The following DDHD1 variants were observed in gnomAD, a reference collection of about 807,000 sequenced individuals.
DDHD1 encodes DDHD domain containing 1.
DDHD1 carries 49 observed loss-of-function variants against 96.4 expected under a neutral mutation model. The observed-to-expected ratio is 0.51, with a 90% CI of 0.40 to 0.64. The LOEUF (loss-of-function observed/expected upper bound fraction) is 0.64. DDHD1 is among the 30% of genes least tolerant of loss of function. The probability of loss-of-function intolerance (pLI) is 0.00; values close to 1 mark genes in which losing one functional copy is unlikely to be tolerated. For missense variants in DDHD1, 1,106 were observed against 1,161.2 expected (o/e 0.95, Z 0.69); for synonymous variants, 442 against 446.5 (o/e 0.99, Z 0.13).
In DDHD1 at chr14:53,153,003, T is replaced by G; in HGVS notation, c.96A>C (p.Pro32=). ...AGCAGCAGACGCCGCCGCCGAACGC[T>G]GGCCTCGCGTCTGAGCCCAGCTCCC... is the stretch of plus-strand genomic sequence containing the variant. ...GAWELGSDAR[P]AFGGGVCCFE... Residue 32 remains proline, a synonymous_variant, in exon 1 of 13, where the codon CCA becomes CCC. Coordinates refer to ENST00000673822, the MANE Select transcript of DDHD1 (RefSeq NM_001160148.2). 6.5e-7 allele frequency: 1 copy of G among 1,539,726 alleles called. No individual in the cohort carries two copies. Among genetic ancestry groups the G allele is most frequent in the Non-Finnish European group, 8.7e-7 (1 of 1,145,618 alleles).
At chr14:53,061,999 C>T (rs1043249149) in intron 7 of DDHD1, among the ~76,000 whole-genome samples, 1 of 138,574 alleles carries the variant, frequency 7.2e-6, no homozygotes, top group African/African-American at 2.8e-5. Context: ...CGTGCCACTG[C>T]ACTCCAGCCT....
intron 9 of DDHD1, among the ~76,000 whole-genome samples, chr14:53,057,513 A>G (rs1883162103): frequency 6.6e-6 from 1 of 152,124 alleles, no homozygotes; most frequent in Non-Finnish European, 1.5e-5. Context: ...GTATTTGAAT[A>G]TTTTCATTTT....
chr14:53,091,509 T>G (rs1886423892), intron 4 of DDHD1, among the ~76,000 whole-genome samples: 1 of 152,198 alleles, frequency 6.6e-6, no homozygotes, highest in Non-Finnish European at 1.5e-5. Flanking sequence ...CTTTCAATGT[T>G]AGATTATAAA....
Position 53,152,339 on chromosome 14 carries a change from T to C in DDHD1, c.760A>G (p.Ile254Val). The C allele has an allele frequency of 6.2e-7, 1 of 1,613,938 alleles. No homozygotes were observed. The highest frequency in any genetic ancestry group is 8.5e-7 in the Non-Finnish European group (1 of 1,179,942). ...HEPEMVELVN[I>V]EPVCVRGGLY... ...CCGCCCCGCACGCACACAGGCTCGA[T>C]GTTCACAAGCTCCACCATCTCCGGC... Residue 254 changes from isoleucine (I) to valine (V), a missense_variant, in exon 1 of 13, where the codon ATC (isoleucine) becomes GTC (valine). This residue lies in a region of DDHD1 where 456 missense variants were observed against 402.4 expected (regional missense o/e 1.13). Coordinates refer to ENST00000673822, the MANE Select transcript of DDHD1 (RefSeq NM_001160148.2).
intron 4 of DDHD1, among the ~76,000 whole-genome samples, chr14:53,081,168 C>T (rs963355131): frequency 3.3e-5 from 5 of 152,082 alleles, no homozygotes; most frequent in Admixed American, 2.6e-4. Flanking sequence ...AAATGACAGC[C>T]AAAACTTTAG....
At chr14:53,078,436 T>C (rs780209321) in intron 4 of DDHD1, among the ~76,000 whole-genome samples, 48 of 152,188 alleles carry the variant, frequency 3.2e-4, no homozygotes, top group Admixed American at 2.0e-3. Flanking sequence ...GACAAATGTC[T>C]ACTCAAATCC....
At chr14:53,082,589 T>C (rs1885582444) in intron 4 of DDHD1, among the ~76,000 whole-genome samples, 1 of 151,576 alleles carries the variant, frequency 6.6e-6, no homozygotes, top group Admixed American at 6.6e-5. Context: ...TGAAGCCCTG[T>C]CTCTACTAAA....
At chr14:53,059,241 T>C (rs1883322202) in intron 8 of DDHD1, among the ~76,000 whole-genome samples, 1 of 152,024 alleles carries the variant, frequency 6.6e-6, no homozygotes, top group Non-Finnish European at 1.5e-5. Flanking sequence ...TTTATTTTAT[T>C]TCATTTATTT....
intron 1 of DDHD1, among the ~76,000 whole-genome samples, chr14:53,139,241 A>T (rs1342080491): frequency 6.6e-6 from 1 of 152,146 alleles, no homozygotes; most frequent in African/African-American, 2.4e-5. Context: ...GTGCCTAAGA[A>T]TAAGGCAGAA....
At chr14:53,114,507 G>C (rs1372259909) in intron 1 of DDHD1, among the ~76,000 whole-genome samples, 2 of 152,246 alleles carry the variant, frequency 1.3e-5, no homozygotes, top group African/African-American at 4.8e-5. Flanking sequence ...CATCAGGCCA[G>C]TGCCCCTCTG....
intron 1 of DDHD1, among the ~76,000 whole-genome samples, chr14:53,144,936 G>A (rs1181016433): frequency 6.6e-6 from 1 of 152,020 alleles, no homozygotes; most frequent in Non-Finnish European, 1.5e-5. Context: ...AATCACCCGA[G>A]GTCAGGAGTT....
At chr14:53,075,571 A>G (rs1255147352) in intron 4 of DDHD1, among the ~76,000 whole-genome samples, 1 of 152,220 alleles carries the variant, frequency 6.6e-6, no homozygotes, top group Non-Finnish European at 1.5e-5. Flanking sequence ...GCTAATGTAG[A>G]AGCTGCATCA....
At chr14:53,058,079 C>G (rs1365725730) in intron 9 of DDHD1, among the ~76,000 whole-genome samples, 1 of 152,162 alleles carries the variant, frequency 6.6e-6, no homozygotes, top group Non-Finnish European at 1.5e-5. Context: ...CTCAGGCAGT[C>G]TGCCTGCCTT....
At chr14:53,079,915 G>A (rs546589698) in intron 4 of DDHD1, among the ~76,000 whole-genome samples, 73 of 152,180 alleles carry the variant, frequency 4.8e-4, no homozygotes, top group African/African-American at 1.7e-3. Flanking sequence ...TGGGTCAAAG[G>A]ATAAATACAT....
At chr14:53,141,406 G>A (rs1041501943) in intron 1 of DDHD1, among the ~76,000 whole-genome samples, 4 of 152,166 alleles carry the variant, frequency 2.6e-5, no homozygotes, top group African/African-American at 9.7e-5. Context: ...ACCAAAGTAA[G>A]GTCTTCGAAC....
Position 53,083,948 on chromosome 14 carries a change from G to A in DDHD1, c.1289+7837C>T, listed in dbSNP as rs1885712023. ...GAGCCACCTTGGATTCATTCATCCT[G>A]CTTCCAATAATAGCTCTTGATTTTT... On this transcript the variant is annotated intron_variant, in intron 4 of 12. Coordinates refer to ENST00000673822, the MANE Select transcript of DDHD1 (RefSeq NM_001160148.2). 2.6e-5 allele frequency among the ~76,000 whole-genome samples: 4 copies of A among 151,986 alleles called. No individual in the cohort carries two copies. In the South Asian group the frequency reaches 8.3e-4, roughly 31 times the overall value.
At chr14:53,066,581 CAT>C (rs1479343554) in intron 6 of DDHD1, among the ~76,000 whole-genome samples, 6 of 152,198 alleles carry the variant, frequency 3.9e-5, no homozygotes, top group African/African-American at 1.2e-4. Flanking sequence ...CCTAAGGAAA[CAT>C]ATACTTTTAA....
chr14:53,055,922 A>G lies in DDHD1; in HGVS notation c.1993-10T>C. 1 of 1,586,754 alleles carries G rather than the reference A, an allele frequency of 6.3e-7. No homozygotes were observed. Among genetic ancestry groups the G allele is most frequent in the Non-Finnish European group, 8.6e-7 (1 of 1,166,060 alleles). On this transcript the variant is annotated splice_polypyrimidine_tract_variant and intron_variant, in intron 9 of 12. Transcript: ENST00000673822. ...GTTCTAATCTATAAGCCTTGATTTA[A>G]AAAAAAAAATTCAAAGAAACACAGT...
At chr14:53,113,134 A>AT (rs78231425) in intron 1 of DDHD1, among the ~76,000 whole-genome samples, 385 of 141,130 alleles carry the variant, frequency 2.7e-3, no homozygotes, top group African/African-American at 6.6e-3. Flanking sequence ...TAACTTTTCT[A>AT]TTTTTTTTTT....
Sources: gnomAD v4.1 joint callset for allele counts (sites outside exome capture counted in the v4.1 genomes callset) on GRCh38, gnomAD v4.1.1 for gene constraint, gnomAD v4.1.1 regional missense constraint, MANE v1.5 for transcripts, NCBI Gene and HGNC (gene_info 2026-07-23, HGNC 2026-07-21) for gene names.